Variants in XKR6 observed in about 807,000 individuals in gnomAD.
XKR6 encodes the protein XK related 6.
XKR6 carries 22 observed loss-of-function variants against 56.7 expected under a neutral mutation model. The observed-to-expected ratio is 0.39, with a 90% CI of 0.28 to 0.55. XKR6 has a LOEUF of 0.55. XKR6 is among the 20% of genes least tolerant of loss of function. The probability of loss-of-function intolerance (pLI) is 0.66; values close to 1 mark genes in which losing one functional copy is unlikely to be tolerated. For synonymous variants in XKR6, 524 were observed against 387.8 expected, an observed-to-expected ratio of 1.35 and a Z score of -4.13; for missense variants, 852 against 889.0, an observed-to-expected ratio of 0.96 and a Z score of 0.53.
Position 10,898,704 on chromosome 8 carries a change from C to A in XKR6, c.1174G>T (p.Val392Phe). ...FQLYFGIFVV[V>F]HWCAMAFWII... ...CAGAAGGCCATGGCGCACCAGTGAA[C>A]CACCACGAAGATCCCAAAATAGAGC... is the stretch of plus-strand genomic sequence containing the variant. Residue 392 changes from valine to phenylalanine, a missense_variant, in exon 3 of 3, where the codon GTT (valine) becomes TTT (phenylalanine). Physicochemically the swap from Val to Phe is conservative, Grantham distance 50. Around this residue, in one of 4 missense-constraint regions of XKR6, gnomAD observed 199 missense variants for 280.4 expected, o/e 0.71. Coordinates refer to ENST00000416569, the MANE Select transcript of XKR6 (RefSeq NM_173683.4). The surrounding 1 kb of genome is among the most constrained non-coding windows in gnomAD (Gnocchi z 6.6). 6.2e-7 allele frequency: 1 copy of A among 1,614,078 alleles called. No individual in the cohort carries two copies. The highest frequency in any genetic ancestry group is 8.5e-7 in the Non-Finnish European group (1 of 1,180,008).
At chr8:10,984,321 C>A (rs1487769666) in intron 1 of XKR6, among the ~76,000 whole-genome samples, 1 of 152,128 alleles carries the variant, frequency 6.6e-6, no homozygotes, top group Non-Finnish European at 1.5e-5. Flanking sequence ...CATGGATACA[C>A]AATCACACAC....
In XKR6 at chr8:10,926,031, G is replaced by A. The variant is rs532636398; in HGVS notation, c.765-1201C>T. ...CAGCGGCAGTGGGAGAGAACCACATGCCTGTCCTTGACTGTCCTGTGGGAT... is the reference window on the plus strand; with the variant it reads ...CAGCGGCAGTGGGAGAGAACCACATACCTGTCCTTGACTGTCCTGTGGGAT... On this transcript the variant is annotated intron_variant, in intron 1 of 2. Transcript: ENST00000416569. Among the ~76,000 whole-genome samples the A allele has an allele frequency of 1.1e-4, 16 of 152,250 alleles. 1 individual carries two copies. In the South Asian group the frequency reaches 3.3e-3, roughly 32 times the overall value.
intron 1 of XKR6, chr8:11,105,130 G>A (rs895113052): frequency 6.6e-6 from 1 of 152,146 alleles, no homozygotes; most frequent in Admixed American, 6.5e-5. Flanking sequence ...AAAGCAAATA[G>A]GTCCTCTAGG....
chr8:10,957,235 G>T (rs1801916857), intron 1 of XKR6, among the ~76,000 whole-genome samples: 1 of 152,184 alleles, frequency 6.6e-6, no homozygotes, highest in Non-Finnish European at 1.5e-5. Context: ...CCAGGCAGGA[G>T]CCACCTTGCC....
chr8:11,016,282 T>C (rs1471127876), intron 1 of XKR6, among the ~76,000 whole-genome samples: 2 of 151,930 alleles, frequency 1.3e-5, no homozygotes, highest in Admixed American at 1.3e-4. Context: ...CCCCGCGCCC[T>C]GGATGGGGAG....
At chr8:11,113,782 T>C (rs1799021735) in intron 1 of XKR6, 1 of 157,198 alleles carries the variant, frequency 6.4e-6, no homozygotes, top group Non-Finnish European at 1.4e-5. Flanking sequence ...AAAACAGCTC[T>C]AAAAGGTTTA....
rs567857117 is a variant in XKR6 at position 11,033,986 on chromosome 8, A to G, written c.765-109156T>C. On this transcript the variant is annotated intron_variant, in intron 1 of 2. Transcript: ENST00000416569. ...AGCCAGGACTATAACCACATCCTCA[A>G]ATTTCAAGAGCAGTCCCTTGTTGCT... 2.6e-5 allele frequency among the ~76,000 whole-genome samples: 4 copies of G among 152,322 alleles called. No individual in the cohort carries two copies. In the East Asian group the frequency reaches 5.8e-4, roughly 22 times the overall value.
chr8:11,077,478 C>G (rs1586513917), intron 1 of XKR6, among the ~76,000 whole-genome samples: 1 of 152,252 alleles, frequency 6.6e-6, no homozygotes, highest in Middle Eastern at 3.4e-3. Context: ...CAGTTCCTCT[C>G]TACATGCAGC....
chr8:11,001,648 G>T (rs560526144), intron 1 of XKR6, among the ~76,000 whole-genome samples: 2 of 152,350 alleles, frequency 1.3e-5, no homozygotes, highest in African/African-American at 4.8e-5. Flanking sequence ...GGAGATGAGG[G>T]TTGTAGCCGT....
intron 1 of XKR6, among the ~76,000 whole-genome samples, chr8:10,952,428 T>A (rs549047000): frequency 1.3e-4 from 20 of 152,316 alleles, no homozygotes; most frequent in African/African-American, 4.8e-4. Flanking sequence ...GCTGAACTGT[T>A]ATTTCCTTGC....
chr8:11,088,600 G>C (rs751984436), intron 1 of XKR6, among the ~76,000 whole-genome samples: 8 of 152,212 alleles, frequency 5.3e-5, no homozygotes, highest in African/African-American at 9.6e-5. Context: ...ACAAAGACAA[G>C]AGGGAGTGCA....
At chr8:11,073,724 T>C (rs1323491923) in intron 1 of XKR6, among the ~76,000 whole-genome samples, 2 of 152,054 alleles carry the variant, frequency 1.3e-5, no homozygotes, top group African/African-American at 2.4e-5. Context: ...GTTGTGAAAA[T>C]GGATTAAGAA....
At chr8:10,986,357 A>C (rs1337195756) in intron 1 of XKR6, among the ~76,000 whole-genome samples, 3 of 152,248 alleles carry the variant, frequency 2.0e-5, no homozygotes, top group Non-Finnish European at 4.4e-5. Context: ...TTATAATCTC[A>C]TCATGTAGAC....
chr8:11,145,448 G>T (rs1249911181), intron 1 of XKR6, among the ~76,000 whole-genome samples: 1 of 152,062 alleles, frequency 6.6e-6, no homozygotes, highest in Non-Finnish European at 1.5e-5. Flanking sequence ...CTTATTTGTA[G>T]ATGACATGAT....
At chr8:11,165,288 TG>T (rs1802016206) in intron 1 of XKR6, among the ~76,000 whole-genome samples, 1 of 151,852 alleles carries the variant, frequency 6.6e-6, no homozygotes, top group Non-Finnish European at 1.5e-5. Context: ...TTAATAGAGA[TG>T]GGGTTTCACC....
intron 1 of XKR6, among the ~76,000 whole-genome samples, chr8:11,132,918 G>A (rs929483056): frequency 6.7e-6 from 1 of 149,672 alleles, no homozygotes; most frequent in East Asian, 1.9e-4. Flanking sequence ...AAAGACAAAA[G>A]TTGCTTTTCA....
chr8:11,143,834 G>C (rs147960989), intron 1 of XKR6, among the ~76,000 whole-genome samples: 3 of 152,140 alleles, frequency 2.0e-5, no homozygotes, highest in African/African-American at 7.2e-5. Context: ...CTGCAGACTG[G>C]GTGACTTCAA....
Position 11,124,179 on chromosome 8 carries a change from T to C in XKR6, c.764+76397A>G, listed in dbSNP as rs1255628379. The C allele has an allele frequency of 2.2e-5, 8 of 358,476 alleles. No homozygotes were observed. The East Asian group carries it at 5.9e-4, about 27-fold the overall frequency. The allele number at this position is 358,476 out of a possible 1,614,324, so 22.2% of individuals were successfully genotyped here. ...TACATATGAAACTACAGTTTAATCATTTGAGGGAGAAAAAAGCCAACCTTA... is the reference window on the plus strand; with the variant it reads ...TACATATGAAACTACAGTTTAATCACTTGAGGGAGAAAAAAGCCAACCTTA... On this transcript the variant is annotated intron_variant, in intron 1 of 2. Transcript: ENST00000416569.
At chr8:11,133,112 A>G (rs929723721) in intron 1 of XKR6, among the ~76,000 whole-genome samples, 3 of 152,190 alleles carry the variant, frequency 2.0e-5, no homozygotes, top group African/African-American at 7.2e-5. Flanking sequence ...TTGGCTTTAA[A>G]TACAAGCATA....
Sources: allele counts gnomAD v4.1 joint callset (sites outside exome capture counted in the v4.1 genomes callset), GRCh38; gene constraint gnomAD v4.1.1; regional missense constraint gnomAD v4.1.1; non-coding constraint Gnocchi (gnomAD v3.1); transcripts MANE v1.5; gene names NCBI Gene and HGNC (gene_info 2026-07-23, HGNC 2026-07-21).